Variants in TRPM8 observed in about 807,000 individuals in gnomAD.
TRPM8 encodes transient receptor potential cation channel subfamily M member 8.
A neutral mutation model predicts 133.7 loss-of-function variants in TRPM8; 110 were observed. The observed-to-expected ratio is 0.82, with a 90% CI of 0.70 to 0.96. The LOEUF is 0.96. Ranked by LOEUF, TRPM8 falls within the 40% of genes least tolerant of loss-of-function variation. TRPM8 has a pLI of 0.00. For synonymous variants in TRPM8, 535 were observed against 532.3 expected, an observed-to-expected ratio of 1.01 and a Z score of -0.07; for missense variants, 1,291 against 1,379.5, an observed-to-expected ratio of 0.94 and a Z score of 1.02.
intron 20 of TRPM8, among the ~76,000 whole-genome samples, chr2:233,984,803 G>A (rs1222391105): frequency 6.6e-6 from 1 of 152,130 alleles, no homozygotes; most frequent in African/African-American, 2.4e-5. Flanking sequence ...TTAAAAATAG[G>A]CCGGGGATGG....
At chr2:233,951,701 A>G (rs951081567) in intron 9 of TRPM8, among the ~76,000 whole-genome samples, 3 of 152,206 alleles carry the variant, frequency 2.0e-5, no homozygotes, top group African/African-American at 7.2e-5. Flanking sequence ...TGCTAATGAT[A>G]TATTATAATT....
intron 17 of TRPM8, among the ~76,000 whole-genome samples, chr2:233,978,494 T>C (rs907400687): frequency 5.9e-5 from 9 of 152,196 alleles, no homozygotes; most frequent in Non-Finnish European, 8.8e-5. Context: ...TATGTATGTT[T>C]GGGGGCTTTT....
intron 8 of TRPM8, chr2:233,947,533 G>A: frequency 6.9e-6 from 9 of 1,298,958 alleles, no homozygotes; most frequent in Non-Finnish European, 9.1e-6. Context: ...CCCCAAACCA[G>A]ATGTTTCCAG....
At chr2:233,947,462 A>G in intron 8 of TRPM8, 2 of 1,372,572 alleles carry the variant, frequency 1.5e-6, no homozygotes, top group Admixed American at 2.2e-5. Context: ...CATATATATT[A>G]GAAAGCTATG....
At chr2:233,985,116 T>C (rs1213601728) in intron 20 of TRPM8, among the ~76,000 whole-genome samples, 1 of 151,800 alleles carries the variant, frequency 6.6e-6, no homozygotes, top group Non-Finnish European at 1.5e-5. Context: ...AATTAATATG[T>C]CTGCTCCGTG....
intron 6 of TRPM8, among the ~76,000 whole-genome samples, chr2:233,944,140 T>G (rs28901634): frequency 0.059 from 8,953 of 152,236 alleles, 859 homozygotes; most frequent in African/African-American, 0.2. Context: ...GTTATGGGAC[T>G]GATTTATCTA....
rs756513083 is a variant in TRPM8, at chr2:233,985,828, A to C, written c.2902A>C (p.Asn968His). The change falls in exon 21 of 26, where the codon AAC becomes CAC. Residue 968 changes from asparagine to histidine, a missense_variant. Asn to His is a moderately conservative substitution (Grantham distance 68). This residue lies in a region of TRPM8 where 328 missense variants were observed against 410.6 expected (regional missense o/e 0.80). Coordinates refer to ENST00000324695, the MANE Select transcript of TRPM8 (RefSeq NM_024080.5). ...PLVCIYMLST[N>H]ILLVNLLVAM... The stretch of plus-strand genomic sequence containing the variant: ...GGTGTGCATCTACATGTTATCCACC[A>C]ACATCCTGCTGGTCAACCTGCTGGT... The C allele has an allele frequency of 1.2e-6, 2 of 1,614,164 alleles. No individual in the cohort carries two copies. The highest frequency in any genetic ancestry group is 1.7e-6 in the Non-Finnish European group (2 of 1,180,020).
intron 7 of TRPM8, among the ~76,000 whole-genome samples, chr2:233,946,693 T>C (rs1437999740): frequency 6.6e-6 from 1 of 152,204 alleles, no homozygotes; most frequent in Non-Finnish European, 1.5e-5. Flanking sequence ...GAAGAAACTA[T>C]ATATGCAATA....
chr2:233,979,559 ACT>A (rs887262579), intron 17 of TRPM8, among the ~76,000 whole-genome samples: 5 of 151,888 alleles, frequency 3.3e-5, no homozygotes, highest in Middle Eastern at 3.4e-3. Context: ...GAGAAAGGAT[ACT>A]CTCTGTTTAT....
chr2:233,931,655 A>G (rs1162439059), intron 3 of TRPM8, among the ~76,000 whole-genome samples: 1 of 152,250 alleles, frequency 6.6e-6, no homozygotes, highest in Non-Finnish European at 1.5e-5. Flanking sequence ...GTGGTATTCA[A>G]GACGCAGCAT....
At chr2:233,962,365 G>T (rs1691460667) in intron 12 of TRPM8, among the ~76,000 whole-genome samples, 2 of 152,106 alleles carry the variant, frequency 1.3e-5, no homozygotes, top group South Asian at 4.2e-4. Context: ...TGGCTAGTGG[G>T]GCTAATCTCT....
chr2:233,960,632 C>T (rs918711650), intron 11 of TRPM8, 144 bp from the exon 12 acceptor site: 4 of 672,496 alleles, frequency 5.9e-6, no homozygotes, highest in Non-Finnish European at 1.0e-5. Context: ...AAACTTCATT[C>T]TCAAGACAGG....
At chr2:233,942,547 G>A (rs1315722842) in intron 5 of TRPM8, 29 bp from the exon 6 acceptor site, 4 of 1,613,468 alleles carry the variant, frequency 2.5e-6, no homozygotes, top group Non-Finnish European at 3.4e-6. Context: ...AGTGCCACTT[G>A]ACCATTTACT....
At chr2:234,013,877 G>A (rs1217480574) in intron 24 of TRPM8, 2 of 152,110 alleles carry the variant, frequency 1.3e-5, no homozygotes, top group Non-Finnish European at 2.9e-5. Flanking sequence ...AACAGTTAAA[G>A]TAAAAGGTTA....
intron 1 of TRPM8, among the ~76,000 whole-genome samples, chr2:233,925,003 C>G (rs776669428): frequency 6.6e-6 from 1 of 152,196 alleles, no homozygotes; most frequent in Non-Finnish European, 1.5e-5. Flanking sequence ...GTGCCAGTCT[C>G]TGAGGTGTGG....
In TRPM8 at chr2:233,969,688, C is replaced by T. The variant is rs1321905658; in HGVS notation, c.2026-7C>T. ...GGACCTTGTTCTCTGTCTTTGTTTC[C>T]CTGTAGAATTTTCTTTCTAAGCAAT... On this transcript the variant is annotated splice_polypyrimidine_tract_variant and splice_region_variant and intron_variant, in intron 15 of 25. Coordinates refer to ENST00000324695, the MANE Select transcript of TRPM8 (RefSeq NM_024080.5). The T allele has an allele frequency of 6.4e-7, 1 of 1,560,550 alleles. No individual in the cohort carries two copies. Among genetic ancestry groups the T allele is most frequent in the South Asian group, 1.1e-5 (1 of 89,854 alleles).
In TRPM8 at chr2:233,963,310, T is replaced by G; in HGVS notation, c.1682T>G (p.Leu561Arg). ...HDVSPITRHP[L>R]QALFIWAILQ... ...GTGTCTCCTATTACTCGGCACCCCC[T>G]GCAAGCTCTCTTCATCTGGGCCATT... The change falls in exon 13 of 26, where the codon CTG becomes CGG. Residue 561 changes from leucine to arginine, a missense_variant. Around this residue, in one of 2 missense-constraint regions of TRPM8, gnomAD observed 963 missense variants for 968.9 expected, o/e 0.99. Transcript: ENST00000324695. 1 of 1,613,590 alleles carries G rather than the reference T, an allele frequency of 6.2e-7. No individual in the cohort carries two copies. The highest frequency in any genetic ancestry group is 8.5e-7 in the Non-Finnish European group (1 of 1,179,730).
At chr2:233,926,698 C>T in intron 2 of TRPM8, 44 bp downstream of exon 2, 1 of 1,455,402 alleles carries the variant, frequency 6.9e-7, no homozygotes, top group Non-Finnish European at 9.6e-7. Context: ...TCATTGTAAC[C>T]TTCGTAAGCC....
chr2:233,926,497 G>A (rs1484711084), intron 1 of TRPM8, 36 bp from the exon 2 acceptor site: 1 of 1,531,464 alleles, frequency 6.5e-7, no homozygotes, highest in African/African-American at 1.4e-5. Context: ...GTTACTGTTT[G>A]TAACCCAAAC....
Sources: allele counts gnomAD v4.1 joint callset (sites outside exome capture counted in the v4.1 genomes callset), GRCh38; gene constraint gnomAD v4.1.1; regional missense constraint gnomAD v4.1.1; transcripts MANE v1.5; gene names NCBI Gene and HGNC (gene_info 2026-07-23, HGNC 2026-07-21).